The following PKNOX2 variants were observed in gnomAD, a reference collection of about 807,000 sequenced individuals.
PKNOX2 encodes homeobox protein PKNOX2.
In PKNOX2, 14 loss-of-function variants were observed where a neutral mutation model predicts 53.1. The observed-to-expected ratio is 0.26, with a 90% CI of 0.17 to 0.41. The LOEUF (loss-of-function observed/expected upper bound fraction) is 0.41, where lower values mean the gene tolerates loss of function less well. PKNOX2 is among the 10% of genes least tolerant of loss of function. The pLI is 1.00. For synonymous variants in PKNOX2, 257 were observed against 242.8 expected (o/e 1.06, Z -0.54); for missense variants, 496 against 602.8 (o/e 0.82, Z 1.85).
At chr11:125,265,434 C>T (rs1565483314) in intron 2 of PKNOX2, among the ~76,000 whole-genome samples, 1 of 152,200 alleles carries the variant, frequency 6.6e-6, no homozygotes, top group Non-Finnish European at 1.5e-5. Flanking sequence ...GTTCCAAGGC[C>T]CTTCTCTCTC....
intron 2 of PKNOX2, among the ~76,000 whole-genome samples, chr11:125,286,082 G>C (rs1279336135): frequency 6.6e-6 from 1 of 152,204 alleles, no homozygotes; most frequent in Admixed American, 6.5e-5. Flanking sequence ...GAGGCTGCAT[G>C]AAGGACCGTA....
At chr11:125,421,843 G>A (rs1445704573) in intron 10 of PKNOX2, among the ~76,000 whole-genome samples, 1 of 152,192 alleles carries the variant, frequency 6.6e-6, no homozygotes, top group Non-Finnish European at 1.5e-5. Context: ...CACATCCGGG[G>A]CCAAGGACAC....
chr11:125,188,712 A>G (rs1294835897), intron 1 of PKNOX2, among the ~76,000 whole-genome samples: 2 of 152,112 alleles, frequency 1.3e-5, no homozygotes, highest in Non-Finnish European at 2.9e-5. Context: ...TTATCAAGTG[A>G]CTGCAGCCAC....
intron 2 of PKNOX2, among the ~76,000 whole-genome samples, chr11:125,274,657 C>A (rs1642838526): frequency 6.6e-6 from 1 of 152,244 alleles, no homozygotes; most frequent in African/African-American, 2.4e-5. Flanking sequence ...AGGCTGGGGG[C>A]TGGAGCAGGC....
chr11:125,200,504 C>T (rs749099125), intron 1 of PKNOX2, among the ~76,000 whole-genome samples: 8 of 152,200 alleles, frequency 5.3e-5, no homozygotes, highest in Non-Finnish European at 7.3e-5. Flanking sequence ...GACTCTTGGC[C>T]CAACCATGGC....
intron 3 of PKNOX2, among the ~76,000 whole-genome samples, chr11:125,346,512 C>T (rs965910749): frequency 1.3e-5 from 2 of 152,066 alleles, no homozygotes; most frequent in African/African-American, 4.8e-5. Flanking sequence ...TTTTTTTACC[C>T]CAAGGCCAGG....
intron 1 of PKNOX2, among the ~76,000 whole-genome samples, chr11:125,183,318 G>A (rs1244519333): frequency 1.1e-5 from 1 of 88,100 alleles, no homozygotes; most frequent in Non-Finnish European, 2.5e-5. Flanking sequence ...CCGGGTTCAC[G>A]CCATTCTCCT....
chr11:125,223,515 C>A (rs988294924), intron 1 of PKNOX2, among the ~76,000 whole-genome samples: 1 of 152,218 alleles, frequency 6.6e-6, no homozygotes. Context: ...CAGGCATGAG[C>A]CACCACGCCC....
At position 125,225,970 on chromosome 11, in the gene PKNOX2, A is replaced by T. The variant is rs367769582; in HGVS notation, c.-200-9075A>T. On this transcript the variant is annotated intron_variant, in intron 1 of 12. Coordinates refer to ENST00000298282, the MANE Select transcript of PKNOX2 (RefSeq NM_001382323.2). The stretch of plus-strand genomic sequence containing the variant: ...CCAGGGATCAACCTGTAGCCCATCC[A>T]CATCCCTTCATCACACTGCCTTTGT... Among the ~76,000 whole-genome samples, 26 of 152,338 alleles carry T rather than the reference A, an allele frequency of 1.7e-4. No individual in the cohort carries two copies. In the East Asian group the frequency reaches 2.5e-3, roughly 15 times the overall value.
At chr11:125,419,559 C>T (rs1285412586) in intron 10 of PKNOX2, among the ~76,000 whole-genome samples, 1 of 151,500 alleles carries the variant, frequency 6.6e-6, no homozygotes, top group Non-Finnish European at 1.5e-5. Flanking sequence ...GTCTGAAATT[C>T]CACTTGCATA....
chr11:125,242,154 G>A (rs57149962), intron 2 of PKNOX2, among the ~76,000 whole-genome samples: 8,501 of 152,228 alleles, frequency 0.056, 814 homozygotes, highest in African/African-American at 0.19. Context: ...CCTGTGCTTG[G>A]TGTGTCGCTG....
chr11:125,295,012 C>G (rs34971134), intron 2 of PKNOX2, among the ~76,000 whole-genome samples: 1 of 151,976 alleles, frequency 6.6e-6, no homozygotes, highest in African/African-American at 2.4e-5. Context: ...GTCAGGGTCA[C>G]GCTTTAGCCG....
chr11:125,263,431 C>A (rs567399392), intron 2 of PKNOX2, among the ~76,000 whole-genome samples: 4 of 152,356 alleles, frequency 2.6e-5, no homozygotes, highest in South Asian at 4.1e-4. Context: ...CTCCAGCCCC[C>A]ACTCCCGCGG....
intron 2 of PKNOX2, among the ~76,000 whole-genome samples, chr11:125,301,767 G>A (rs368258626): frequency 1.4e-4 from 22 of 152,184 alleles, no homozygotes; most frequent in Admixed American, 1.4e-3. Flanking sequence ...CCAGTGGAGA[G>A]GAGACAGAAG....
chr11:125,200,802 C>T (rs747427079), intron 1 of PKNOX2, among the ~76,000 whole-genome samples: 63 of 152,324 alleles, frequency 4.1e-4, no homozygotes, highest in Admixed American at 8.5e-4. Context: ...TCCCCAGTGC[C>T]CTTGATGAGG....
chr11:125,332,448 T>C (rs1388699408), intron 3 of PKNOX2, among the ~76,000 whole-genome samples: 1 of 152,228 alleles, frequency 6.6e-6, no homozygotes, highest in Non-Finnish European at 1.5e-5. Flanking sequence ...GAGAAATGGT[T>C]CTTTTGAATG....
chr11:125,362,333 G>T (rs1030104341), intron 4 of PKNOX2, among the ~76,000 whole-genome samples: 58 of 152,166 alleles, frequency 3.8e-4, no homozygotes, highest in African/African-American at 1.4e-3. Flanking sequence ...TACTGCACAG[G>T]ATTATTGTGA....
intron 2 of PKNOX2, among the ~76,000 whole-genome samples, chr11:125,259,294 G>A (rs984804300): frequency 2.0e-5 from 3 of 152,274 alleles, no homozygotes; most frequent in South Asian, 2.1e-4. Flanking sequence ...CATTTAAGAC[G>A]CATGTTAGAC....
intron 3 of PKNOX2, among the ~76,000 whole-genome samples, chr11:125,337,162 C>A (rs1015086718): frequency 6.6e-6 from 1 of 152,008 alleles, no homozygotes; most frequent in Non-Finnish European, 1.5e-5. Flanking sequence ...GCATTAAAAC[C>A]ACTGTGGGCA....
Sources: allele counts gnomAD v4.1 joint callset (sites outside exome capture counted in the v4.1 genomes callset), GRCh38; gene constraint gnomAD v4.1.1; transcripts MANE v1.5; gene names NCBI Gene and HGNC (gene_info 2026-07-23, HGNC 2026-07-21).